LYSMD2: variants seen among roughly 807,000 people sequenced by gnomAD.
LYSMD2 encodes the protein lysM and putative peptidoglycan-binding domain-containing protein 2.
Under a neutral mutation model 17.7 loss-of-function variants are expected in LYSMD2, and 6 were observed. The ratio of observed to expected loss-of-function variants is 0.34; its 90% CI spans 0.19 to 0.67. The LOEUF is 0.67. Ranked by LOEUF, LYSMD2 falls within the 30% of genes least tolerant of loss-of-function variation. The probability of loss-of-function intolerance (pLI) is 0.69; values close to 1 mark genes in which losing one functional copy is unlikely to be tolerated. For missense variants in LYSMD2, 237 were observed against 286.7 expected, an observed-to-expected ratio of 0.83 and a Z score of 1.25; for synonymous variants, 102 against 129.8, an observed-to-expected ratio of 0.79 and a Z score of 1.45.
At chr15:51,735,188 T>C (rs547102193) in intron 1 of LYSMD2, among the ~76,000 whole-genome samples, 87 of 150,654 alleles carry the variant, frequency 5.8e-4, no homozygotes, top group African/African-American at 2.0e-3. Context: ...AAAAAAAAAA[T>C]CTGAAGATAT....
At position 51,725,075 on chromosome 15, in the gene LYSMD2, A is replaced by T; in HGVS notation, c.320T>A (p.Ile107Lys). The change falls in exon 2 of 3, where the codon ATA (isoleucine) becomes AAA (lysine). Residue 107 changes from isoleucine to lysine, a missense_variant. By Grantham distance (102) the Ile-to-Lys change is moderately radical. Coordinates refer to ENST00000267838, the MANE Select transcript of LYSMD2 (RefSeq NM_153374.3). ...GATGTTCAAAGTTTTCTTCAGAAAT[A>T]TACAATCATTGGTAAACAGTTTATT... Reference protein sequence around the residue: ...RANKLFTNDCIFLKKTLNIPV... With the variant: ...RANKLFTNDCKFLKKTLNIPV... 6.2e-7 allele frequency: 1 copy of T among 1,612,456 alleles called. No individual in the cohort carries two copies. The highest frequency in any genetic ancestry group is 8.5e-7 in the Non-Finnish European group (1 of 1,178,712).
At chr15:51,725,688 AAT>A (rs560199032) in intron 1 of LYSMD2, among the ~76,000 whole-genome samples, 1 of 151,822 alleles carries the variant, frequency 6.6e-6, no homozygotes. Flanking sequence ...ACATCAAGGA[AAT>A]ATATATATAT....
chr15:51,731,106 G>A (rs1284262860), intron 1 of LYSMD2, among the ~76,000 whole-genome samples: 2 of 152,196 alleles, frequency 1.3e-5, no homozygotes, highest in Non-Finnish European at 2.9e-5. Context: ...GGAATGGATG[G>A]GCATGGGGAT....
chr15:51,728,928 A>G (rs1338271117), intron 1 of LYSMD2, among the ~76,000 whole-genome samples: 2 of 152,202 alleles, frequency 1.3e-5, no homozygotes, highest in Non-Finnish European at 2.9e-5. Context: ...AAAATCTCAC[A>G]TGGATAAGCC....
intron 1 of LYSMD2, among the ~76,000 whole-genome samples, chr15:51,744,110 T>A (rs2055655794): frequency 6.6e-6 from 1 of 152,186 alleles, no homozygotes; most frequent in Admixed American, 6.5e-5. Context: ...TATTTCTTCC[T>A]TCTCAATCCG....
At chr15:51,730,769 T>C (rs2055571360) in intron 1 of LYSMD2, among the ~76,000 whole-genome samples, 1 of 152,352 alleles carries the variant, frequency 6.6e-6, no homozygotes, top group South Asian at 2.1e-4. Context: ...AACATGTACA[T>C]AGCACTGTGT....
chr15:51,743,139 G>T (rs899136779), intron 1 of LYSMD2, among the ~76,000 whole-genome samples: 14 of 152,088 alleles, frequency 9.2e-5, no homozygotes, highest in Non-Finnish European at 1.9e-4. Flanking sequence ...GTGATCAATG[G>T]ATTTCCCCCT....
chr15:51,749,525 A>C (rs1393940233), intron 1 of LYSMD2, among the ~76,000 whole-genome samples: 1 of 152,178 alleles, frequency 6.6e-6, no homozygotes, highest in South Asian at 2.1e-4. Context: ...CTAGTTTCTG[A>C]AGGAATACTC....
At position 51,737,626 on chromosome 15, in the gene LYSMD2, T is replaced by A; in HGVS notation, c.-4A>T. The A allele has an allele frequency of 8.3e-7, 1 of 1,206,172 alleles. No homozygotes were observed. The highest frequency in any genetic ancestry group is 1.0e-6 in the Non-Finnish European group (1 of 971,834). 74.7% of individuals were successfully genotyped at this position (1,206,172 alleles called of 1,614,324 possible). ...GTGCGGGCGAGGAATCCGCCATGGG[T>A]CCTGCCGAGGCCGCCGGGTCGGGGA... On this transcript the variant is annotated 5_prime_UTR_variant, in exon 1 of 3. Coordinates refer to ENST00000267838, the MANE Select transcript of LYSMD2 (RefSeq NM_153374.3). This position sits in a 1 kb window ranked among gnomAD's most constrained non-coding sequence, Gnocchi z 4.2.
intron 1 of LYSMD2, among the ~76,000 whole-genome samples, chr15:51,733,275 A>G (rs182867638): frequency 2.5e-4 from 35 of 141,642 alleles, no homozygotes; most frequent in African/African-American, 9.3e-4. Context: ...GCCCTCCCCA[A>G]CTCCCTCTCC....
chr15:51,728,720 A>G (rs2055556816), intron 1 of LYSMD2, among the ~76,000 whole-genome samples: 1 of 152,106 alleles, frequency 6.6e-6, no homozygotes, highest in South Asian at 2.1e-4. Context: ...AAATACAAAA[A>G]TTAGCCAGGC....
intron 1 of LYSMD2, among the ~76,000 whole-genome samples, chr15:51,736,640 G>C (rs928530981): frequency 6.6e-6 from 1 of 152,184 alleles, no homozygotes; most frequent in Non-Finnish European, 1.5e-5. Context: ...TTAATTATAA[G>C]TAATTTTAAT....
intron 1 of LYSMD2, among the ~76,000 whole-genome samples, chr15:51,742,827 T>C (rs1322692993): frequency 1.3e-5 from 2 of 152,150 alleles, no homozygotes; most frequent in African/African-American, 2.4e-5. Context: ...CCAGTTGTGG[T>C]GGCACATGCC....
intron 1 of LYSMD2, among the ~76,000 whole-genome samples, chr15:51,729,656 C>T (rs367806920): frequency 3.1e-4 from 47 of 152,304 alleles, no homozygotes; most frequent in African/African-American, 1.1e-3. Flanking sequence ...GACGGGCTTT[C>T]GCCGTGTTAG....
At chr15:51,750,607 T>C (rs1329769320) in intron 1 of LYSMD2, among the ~76,000 whole-genome samples, 2 of 152,192 alleles carry the variant, frequency 1.3e-5, no homozygotes, top group East Asian at 1.9e-4. Context: ...GCTCAAAATA[T>C]GCTGCAAAAG....
At chr15:51,737,723 G>C (rs866632701), upstream of LYSMD2, 93 of 912,784 alleles carry the variant, frequency 1.0e-4, 1 homozygote, top group African/African-American at 1.4e-3. The surrounding 1 kb of genome is among the most constrained non-coding windows in gnomAD (Gnocchi z 4.2). Context: ...AGGGGCTGCA[G>C]CAGGCCGTTC....
chr15:51,739,339 TA>T (rs796188152), upstream of LYSMD2, among the ~76,000 whole-genome samples: 54 of 146,776 alleles, frequency 3.7e-4, no homozygotes, highest in South Asian at 2.1e-4. Flanking sequence ...CTCAGTGGAA[TA>T]AAAAAAAAAA....
upstream of LYSMD2, among the ~76,000 whole-genome samples, chr15:51,739,237 T>C (rs1321205578): frequency 6.6e-6 from 1 of 152,228 alleles, no homozygotes; most frequent in Non-Finnish European, 1.5e-5. Context: ...TGCATGTACA[T>C]GCATGAGCTT....
chr15:51,734,049 G>A (rs895948450), intron 1 of LYSMD2, among the ~76,000 whole-genome samples: 6 of 152,226 alleles, frequency 3.9e-5, no homozygotes, highest in African/African-American at 1.2e-4. Context: ...CGGGCATGGT[G>A]GCGTGTGCTT....
Sources: allele counts gnomAD v4.1 joint callset (sites outside exome capture counted in the v4.1 genomes callset), GRCh38; gene constraint gnomAD v4.1.1; non-coding constraint Gnocchi (gnomAD v3.1); transcripts MANE v1.5; gene names NCBI Gene and HGNC (gene_info 2026-07-23, HGNC 2026-07-21).